Variants in CCSER1 observed in about 807,000 individuals in gnomAD.
CCSER1 encodes coiled-coil serine rich protein 1.
CCSER1 carries 41 observed loss-of-function variants against 82.0 expected under a neutral mutation model. That is an observed-to-expected ratio of 0.50 (90% CI 0.39 to 0.65). CCSER1 has a LOEUF of 0.65. Ranked by LOEUF, CCSER1 falls within the 30% of genes least tolerant of loss-of-function variation. CCSER1 has a pLI of 0.00. For missense variants in CCSER1, 1,119 were observed against 1,064.2 expected, an observed-to-expected ratio of 1.05 and a Z score of -0.72; for synonymous variants, 414 against 383.9, an observed-to-expected ratio of 1.08 and a Z score of -0.92.
intron 1 of CCSER1, among the ~76,000 whole-genome samples, chr4:90,129,498 G>A (rs1193786247): frequency 6.6e-6 from 1 of 152,148 alleles, no homozygotes; most frequent in African/African-American, 2.4e-5. Context: ...TTTAGTAGTA[G>A]GACAGTATCC....
chr4:91,414,516 G>A (rs1329470792), intron 10 of CCSER1, among the ~76,000 whole-genome samples: 2 of 152,084 alleles, frequency 1.3e-5, no homozygotes, highest in Non-Finnish European at 2.9e-5. Flanking sequence ...GGGGATCCAT[G>A]AGACAGCCAG....
intron 10 of CCSER1, among the ~76,000 whole-genome samples, chr4:91,231,144 C>T (rs186501552): frequency 1.3e-5 from 2 of 151,598 alleles, no homozygotes; most frequent in African/African-American, 2.4e-5. Context: ...TATATACGCA[C>T]GACGGTATTC....
intron 10 of CCSER1, among the ~76,000 whole-genome samples, chr4:91,439,998 T>A (rs1009892280): frequency 6.6e-6 from 1 of 151,566 alleles, no homozygotes; most frequent in African/African-American, 2.4e-5. Context: ...AGACTTAGAC[T>A]CCCACGCAAT....
In CCSER1 at chr4:91,135,037, C is replaced by T. The variant is rs372148235; in HGVS notation, c.2217+49043C>T. Reference sequence around the variant, plus strand: ...ATTGCACCACTCCACTCCAGCCTGGCGACAGAGAGAGACTCTGTCTCAAAG... The same window carrying T: ...ATTGCACCACTCCACTCCAGCCTGGTGACAGAGAGAGACTCTGTCTCAAAG... On this transcript the variant is annotated intron_variant, in intron 10 of 10. Transcript: ENST00000509176. 3.0e-3 allele frequency among the ~76,000 whole-genome samples: 453 copies of T among 150,892 alleles called. 1 individual carries two copies. Among genetic ancestry groups the T allele is most frequent in the African/African-American group, 0.01 (419 of 41,064 alleles).
intron 10 of CCSER1, among the ~76,000 whole-genome samples, chr4:91,108,739 A>T (rs1203978978): frequency 1.3e-5 from 2 of 152,300 alleles, no homozygotes; most frequent in East Asian, 3.9e-4. Context: ...GGCCTATCAA[A>T]ACTGTTGCTT....
chr4:91,029,473 A>G (rs1056408183), intron 9 of CCSER1, among the ~76,000 whole-genome samples: 11 of 152,020 alleles, frequency 7.2e-5, no homozygotes, highest in African/African-American at 2.4e-4. Context: ...AATTTACTAC[A>G]TGCTTTCTCT....
intron 9 of CCSER1, among the ~76,000 whole-genome samples, chr4:90,940,888 C>G (rs1731507307): frequency 6.6e-6 from 1 of 152,042 alleles, no homozygotes; most frequent in Admixed American, 6.6e-5. Context: ...GACCAAAAGT[C>G]AGGGTTTTGT....
rs796557002 is a variant in CCSER1, at chr4:90,482,677, C to T, written c.1724+14323C>T. Among the ~76,000 whole-genome samples the T allele has an allele frequency of 6.6e-4, 101 of 151,912 alleles. 1 individual carries two copies. Among genetic ancestry groups the T allele is most frequent in the African/African-American group, 2.3e-3 (97 of 41,442 alleles). On this transcript the variant is annotated intron_variant, in intron 5 of 10. Coordinates refer to ENST00000509176, the MANE Select transcript of CCSER1 (RefSeq NM_001145065.2). ...GTTGTTCAGTTTCCATGTAGTTGAG[C>T]GGTTTTGAGTGAGTTTCTTAATCCT...
intron 10 of CCSER1, among the ~76,000 whole-genome samples, chr4:91,476,859 C>T (rs966823228): frequency 6.6e-6 from 1 of 151,596 alleles, no homozygotes. Context: ...TCTGGATATT[C>T]ATATGCAGAA....
At chr4:90,775,088 G>GA (rs893141108) in intron 7 of CCSER1, among the ~76,000 whole-genome samples, 13 of 151,854 alleles carry the variant, frequency 8.6e-5, no homozygotes, top group African/African-American at 2.7e-4. Context: ...TTTAACAAAG[G>GA]AAAAAAATGA....
intron 1 of CCSER1, among the ~76,000 whole-genome samples, chr4:90,286,921 G>C (rs898061726): frequency 3.9e-5 from 6 of 151,934 alleles, no homozygotes; most frequent in Admixed American, 3.9e-4. Flanking sequence ...ATGGCCTCAA[G>C]TGAATTAATC....
chr4:90,803,373 C>A (rs528999874), intron 7 of CCSER1, among the ~76,000 whole-genome samples: 1 of 143,994 alleles, frequency 6.9e-6, no homozygotes, highest in Non-Finnish European at 1.6e-5. Context: ...TCCCCCACCC[C>A]CTGACAGGCC....
chr4:90,287,995 C>T (rs1340147065), intron 1 of CCSER1, among the ~76,000 whole-genome samples: 1 of 151,624 alleles, frequency 6.6e-6, no homozygotes, highest in Non-Finnish European at 1.5e-5. Flanking sequence ...TTTTTTTATT[C>T]TTTTCTTTCT....
chr4:90,991,730 C>A (rs1021456420), intron 9 of CCSER1, among the ~76,000 whole-genome samples: 1 of 151,994 alleles, frequency 6.6e-6, no homozygotes, highest in Non-Finnish European at 1.5e-5. Flanking sequence ...GGACTTAGGA[C>A]TTCAACATAT....
intron 9 of CCSER1, among the ~76,000 whole-genome samples, chr4:91,057,585 A>G (rs2148725609): frequency 6.6e-6 from 1 of 152,202 alleles, no homozygotes; most frequent in African/African-American, 2.4e-5. Flanking sequence ...GAGTTTGAAA[A>G]GCTCCTCTTT....
intron 9 of CCSER1, among the ~76,000 whole-genome samples, chr4:90,990,440 T>C (rs1415759696): frequency 6.6e-6 from 1 of 152,000 alleles, no homozygotes; most frequent in African/African-American, 2.4e-5. Context: ...CTGGATATTA[T>C]AGTTCTTAAC....
intron 9 of CCSER1, among the ~76,000 whole-genome samples, chr4:90,933,240 T>A: frequency 6.7e-6 from 1 of 148,196 alleles, no homozygotes; most frequent in East Asian, 2.0e-4. Flanking sequence ...GAGGCTGGAG[T>A]GCGGAGGCGC....
At chr4:90,266,559 G>A (rs921678718) in intron 1 of CCSER1, among the ~76,000 whole-genome samples, 1 of 152,042 alleles carries the variant, frequency 6.6e-6, no homozygotes. Context: ...GCTAAAAGAG[G>A]CACTGAAGAT....
chr4:91,312,721 A>G (rs1300547463), intron 10 of CCSER1, among the ~76,000 whole-genome samples: 1 of 151,872 alleles, frequency 6.6e-6, no homozygotes, highest in African/African-American at 2.4e-5. Flanking sequence ...TGTAAGTCGA[A>G]ATTTCTTAAT....
Sources: gnomAD v4.1 joint callset for allele counts (sites outside exome capture counted in the v4.1 genomes callset) on GRCh38, gnomAD v4.1.1 for gene constraint, MANE v1.5 for transcripts, NCBI Gene and HGNC (gene_info 2026-07-23, HGNC 2026-07-21) for gene names.